Variants in CNBD1 observed in about 807,000 individuals in gnomAD.
The protein encoded by CNBD1 is cyclic nucleotide-binding domain-containing protein 1.
A neutral mutation model predicts 54.4 loss-of-function variants in CNBD1; 71 were observed. The ratio of observed to expected loss-of-function variants is 1.30; its 90% CI spans 1.08 to 1.59. CNBD1 has a LOEUF of 1.59. Among genes scored for constraint, CNBD1 ranks in the 40% most tolerant of loss-of-function variants. CNBD1 has a pLI of 0.00. For synonymous variants in CNBD1, 182 were observed against 170.7 expected (o/e 1.07, Z -0.51); for missense variants, 659 against 518.0 (o/e 1.27, Z -2.64).
intron 4 of CNBD1, among the ~76,000 whole-genome samples, chr8:87,065,466 G>C (rs1481430256): frequency 1.3e-5 from 2 of 151,918 alleles, no homozygotes; most frequent in Non-Finnish European, 2.9e-5. Context: ...TTAAGGAATT[G>C]ATATTATCTA....
At chr8:87,333,906 T>A (rs1343297398) in intron 8 of CNBD1, among the ~76,000 whole-genome samples, 2 of 152,200 alleles carry the variant, frequency 1.3e-5, no homozygotes, top group Non-Finnish European at 2.9e-5. Context: ...GAGGAGTCCC[T>A]CCTTTTCAAT....
chr8:86,932,832 GT>G (rs1040572008), intron 3 of CNBD1, among the ~76,000 whole-genome samples: 2 of 149,766 alleles, frequency 1.3e-5, no homozygotes, highest in South Asian at 2.1e-4. Context: ...GTTTTGTTCT[GT>G]TTTTTTTTTC....
chr8:87,398,410 G>C (rs1051395531), intron 2 of CNBD1, among the ~76,000 whole-genome samples: 7 of 151,718 alleles, frequency 4.6e-5, no homozygotes, highest in Non-Finnish European at 1.0e-4. Context: ...CCTATTTGTG[G>C]ACCAGTTTGT....
intron 8 of CNBD1, among the ~76,000 whole-genome samples, chr8:87,331,985 C>T (rs879852352): frequency 1.3e-5 from 2 of 150,926 alleles, no homozygotes; most frequent in East Asian, 3.9e-4. Context: ...GGGTAGATTG[C>T]AAAAATTTTC....
intron 4 of CNBD1, among the ~76,000 whole-genome samples, chr8:87,126,415 A>C (rs1307637938): frequency 2.0e-5 from 3 of 151,992 alleles, no homozygotes; most frequent in Non-Finnish European, 4.4e-5. Context: ...AGCATCTTTC[A>C]GTGTATTCAT....
chr8:87,330,084 G>A (rs1213009249), intron 8 of CNBD1, among the ~76,000 whole-genome samples: 7 of 151,706 alleles, frequency 4.6e-5, no homozygotes, highest in African/African-American at 1.7e-4. Flanking sequence ...TTTAATCTAG[G>A]CTTTTAATCT....
At chr8:87,026,129 G>A (rs1809639835) in intron 4 of CNBD1, among the ~76,000 whole-genome samples, 1 of 152,122 alleles carries the variant, frequency 6.6e-6, no homozygotes, top group Non-Finnish European at 1.5e-5. Context: ...TGCCACAGAA[G>A]CATTCTTTTT....
At chr8:87,134,444 T>C (rs927980305) in intron 4 of CNBD1, among the ~76,000 whole-genome samples, 2 of 152,074 alleles carry the variant, frequency 1.3e-5, no homozygotes, top group African/African-American at 4.8e-5. Flanking sequence ...TAACTTTTAT[T>C]GTTAAGTTCT....
At chr8:86,994,899 G>A (rs1808835019) in intron 4 of CNBD1, among the ~76,000 whole-genome samples, 1 of 152,118 alleles carries the variant, frequency 6.6e-6, no homozygotes, top group East Asian at 1.9e-4. Flanking sequence ...AATAATAATA[G>A]GAGTGGAGGA....
At chr8:87,229,588 A>C (rs533597762) in intron 5 of CNBD1, among the ~76,000 whole-genome samples, 1 of 152,206 alleles carries the variant, frequency 6.6e-6, no homozygotes, top group East Asian at 1.9e-4. Context: ...ATACTCTTTG[A>C]ATTCTATTTT....
chr8:87,253,253 G>A (rs1465171401), intron 6 of CNBD1, among the ~76,000 whole-genome samples: 1 of 152,092 alleles, frequency 6.6e-6, no homozygotes, highest in Non-Finnish European at 1.5e-5. Flanking sequence ...ACGTCTAAGG[G>A]CTCTTCTGCC....
At chr8:87,354,325 C>T (rs1043586217) in intron 10 of CNBD1, among the ~76,000 whole-genome samples, 9 of 152,090 alleles carry the variant, frequency 5.9e-5, no homozygotes, top group South Asian at 2.1e-4. Context: ...TTATGGTAAG[C>T]ATTCAGGGGT....
At chr8:87,360,813 C>T (rs1011443120) in intron 10 of CNBD1, among the ~76,000 whole-genome samples, 1 of 151,826 alleles carries the variant, frequency 6.6e-6, no homozygotes, top group Non-Finnish European at 1.5e-5. Flanking sequence ...TATAAACTAT[C>T]TGAAAGTTTC....
At chr8:86,994,707 G>C (rs534661915) in intron 4 of CNBD1, among the ~76,000 whole-genome samples, 1 of 151,808 alleles carries the variant, frequency 6.6e-6, no homozygotes, top group African/African-American at 2.4e-5. Context: ...AGGGTCCCCA[G>C]CTTCCTTTCT....
At chr8:86,868,216 C>T (rs1808391327) in intron 1 of CNBD1, among the ~76,000 whole-genome samples, 2 of 152,146 alleles carry the variant, frequency 1.3e-5, no homozygotes, top group South Asian at 2.1e-4. Flanking sequence ...AATAGGAATG[C>T]ACATTTACAT....
At chr8:87,389,655 T>C (rs544667238) in intron 2 of CNBD1, among the ~76,000 whole-genome samples, 2 of 152,190 alleles carry the variant, frequency 1.3e-5, no homozygotes, top group Admixed American at 6.5e-5. Flanking sequence ...AGAATCAATA[T>C]CATAAAAATG....
At chr8:87,130,705 A>G (rs1448580253) in intron 4 of CNBD1, among the ~76,000 whole-genome samples, 1 of 151,320 alleles carries the variant, frequency 6.6e-6, no homozygotes, top group Non-Finnish European at 1.5e-5. Flanking sequence ...TGAGCCTGGG[A>G]GGCAGAGGTT....
intron 8 of CNBD1, among the ~76,000 whole-genome samples, chr8:87,308,900 G>A (rs1310064331): frequency 6.6e-6 from 1 of 152,072 alleles, no homozygotes; most frequent in Non-Finnish European, 1.5e-5. Flanking sequence ...TTTTATCCAT[G>A]TTGCTGCATA....
At chr8:87,186,760 G>A (rs1813483828) in intron 4 of CNBD1, among the ~76,000 whole-genome samples, 1 of 151,568 alleles carries the variant, frequency 6.6e-6, no homozygotes, top group South Asian at 2.1e-4. Context: ...GAAATATATA[G>A]TGTAAGTAAT....
Sources: allele counts gnomAD v4.1 joint callset (sites outside exome capture counted in the v4.1 genomes callset), GRCh38; gene constraint gnomAD v4.1.1; transcripts MANE v1.5; gene names NCBI Gene and HGNC (gene_info 2026-07-23, HGNC 2026-07-21).